Variants in SOX6 observed in about 807,000 individuals in gnomAD.
The protein encoded by SOX6 is transcription factor SOX-6.
Under a neutral mutation model 97.8 loss-of-function variants are expected in SOX6, and 11 were observed. The observed-to-expected ratio is 0.11, with a 90% CI of 0.07 to 0.19. SOX6 has a LOEUF of 0.19. Ranked by LOEUF, SOX6 falls within the 10% of genes least tolerant of loss-of-function variation. The pLI is 1.00. For synonymous variants in SOX6, 360 were observed against 371.4 expected, an observed-to-expected ratio of 0.97 and a Z score of 0.35; for missense variants, 810 against 1,039.5, an observed-to-expected ratio of 0.78 and a Z score of 3.04.
intron 9 of SOX6, among the ~76,000 whole-genome samples, chr11:16,064,705 C>T (rs1256008031): frequency 2.6e-5 from 4 of 151,536 alleles, no homozygotes; most frequent in South Asian, 4.1e-4. Context: ...GCAAGGATGG[C>T]GCAACATATA....
chr11:16,713,006 A>G (rs961875312), intron 3 of SOX6, among the ~76,000 whole-genome samples: 1 of 152,112 alleles, frequency 6.6e-6, no homozygotes, highest in African/African-American at 2.4e-5. Context: ...CATCTAGCCG[A>G]CCCTCTTCTT....
intron 4 of SOX6, chr11:16,484,277 A>T (rs541041256): frequency 7.7e-5 from 86 of 1,112,880 alleles, no homozygotes; most frequent in African/African-American, 2.9e-4. Context: ...GTCACTGGGA[A>T]CCACATTGCC....
At position 16,561,017 on chromosome 11, in the gene SOX6, G is replaced by T. The variant is rs922398543; in HGVS notation, n.609+51064C>A. Reference sequence around the variant, plus strand: ...ATAAAGGACTACACATTGGATACAGGGTATACTACTTGGGTGATGGGTGCA... The same window carrying T: ...ATAAAGGACTACACATTGGATACAGTGTATACTACTTGGGTGATGGGTGCA... On this transcript the variant is annotated intron_variant and non_coding_transcript_variant, in intron 4 of 5. Transcript: ENST00000524520. 2.0e-5 allele frequency among the ~76,000 whole-genome samples: 3 copies of T among 151,810 alleles called. No individual in the cohort carries two copies. In the South Asian group the frequency reaches 6.2e-4, roughly 32 times the overall value.
intron 4 of SOX6, among the ~76,000 whole-genome samples, chr11:16,599,390 A>G (rs1219480658): frequency 6.6e-6 from 1 of 152,192 alleles, no homozygotes; most frequent in East Asian, 1.9e-4. Context: ...ACAGCACAGG[A>G]CTACCAATTG....
intron 4 of SOX6, among the ~76,000 whole-genome samples, chr11:16,500,220 C>T (rs913607034): frequency 6.6e-6 from 1 of 152,042 alleles, no homozygotes; most frequent in Non-Finnish European, 1.5e-5. Context: ...CAAATGATTA[C>T]CTCAATAGAT....
intron 3 of SOX6, among the ~76,000 whole-genome samples, chr11:16,248,803 A>G (rs1165226724): frequency 1.3e-5 from 2 of 152,184 alleles, no homozygotes; most frequent in African/African-American, 2.4e-5. Flanking sequence ...CTTAGTGACT[A>G]ACACTTGGCT....
intron 3 of SOX6, among the ~76,000 whole-genome samples, chr11:16,278,838 T>C (rs1028227055): frequency 6.6e-6 from 1 of 151,822 alleles, no homozygotes; most frequent in Non-Finnish European, 1.5e-5. Context: ...GTAAAGAAAA[T>C]TCAGAGGGCT....
At chr11:16,283,547 A>G (rs1420542765) in intron 3 of SOX6, among the ~76,000 whole-genome samples, 1 of 151,812 alleles carries the variant, frequency 6.6e-6, no homozygotes, top group African/African-American at 2.4e-5. Context: ...AGAAACACAT[A>G]CATAAACACA....
intron 3 of SOX6, among the ~76,000 whole-genome samples, chr11:16,243,456 A>G (rs1853250582): frequency 6.6e-6 from 1 of 151,946 alleles, no homozygotes; most frequent in Admixed American, 6.6e-5. Flanking sequence ...TCCTTGATAT[A>G]CATAAAAAGA....
chr11:16,182,677 C>T (rs367823059), intron 6 of SOX6, among the ~76,000 whole-genome samples: 33 of 151,758 alleles, frequency 2.2e-4, no homozygotes, highest in African/African-American at 6.0e-4. Context: ...ATACTGAATA[C>T]GACAAAAACC....
At chr11:15,995,202 CAG>C (rs1467880387) in intron 13 of SOX6, among the ~76,000 whole-genome samples, 5 of 152,110 alleles carry the variant, frequency 3.3e-5, no homozygotes, top group Non-Finnish European at 5.9e-5. Flanking sequence ...GCAAGAGAAA[CAG>C]AATTTGAATT....
chr11:16,410,826 GA>G (rs1473143728), intron 1 of SOX6, among the ~76,000 whole-genome samples: 2 of 148,044 alleles, frequency 1.4e-5, no homozygotes, highest in Non-Finnish European at 3.0e-5. Context: ...AGGTAAAAAT[GA>G]AAACAGATGA....
chr11:16,409,817 C>T (rs553511688), intron 1 of SOX6, among the ~76,000 whole-genome samples: 2 of 72,062 alleles, frequency 2.8e-5, no homozygotes, highest in African/African-American at 1.1e-4. Context: ...GAAACAATGT[C>T]TTTCCTCGGT....
intron 6 of SOX6, among the ~76,000 whole-genome samples, chr11:16,178,836 A>G (rs867115191): frequency 6.6e-6 from 1 of 151,898 alleles, no homozygotes; most frequent in African/African-American, 2.4e-5. Context: ...ACAACCTAAG[A>G]CAGAGGGACT....
chr11:16,396,031 TC>T (rs1858343927), intron 1 of SOX6, among the ~76,000 whole-genome samples: 1 of 136,622 alleles, frequency 7.3e-6, no homozygotes, highest in Non-Finnish European at 1.6e-5. Flanking sequence ...TTTGAGAAAT[TC>T]AAGCACATAG....
At chr11:16,450,490 G>C (rs1278578012) in intron 1 of SOX6, among the ~76,000 whole-genome samples, 1 of 152,142 alleles carries the variant, frequency 6.6e-6, no homozygotes, top group Non-Finnish European at 1.5e-5. Flanking sequence ...AAGTGATTTG[G>C]ATGCTGCCTT....
chr11:16,014,499 T>G (rs1854823906), intron 13 of SOX6, among the ~76,000 whole-genome samples: 1 of 152,112 alleles, frequency 6.6e-6, no homozygotes, highest in East Asian at 1.9e-4. Flanking sequence ...CATTCCACAA[T>G]GTATACATGT....
intron 2 of SOX6, among the ~76,000 whole-genome samples, chr11:16,716,932 C>G (rs1413852763): frequency 6.6e-6 from 1 of 152,010 alleles, no homozygotes; most frequent in African/African-American, 2.4e-5. Flanking sequence ...AAGGAGTCAG[C>G]GGCACTGAAA....
intron 6 of SOX6, among the ~76,000 whole-genome samples, chr11:16,138,673 T>C (rs999479542): frequency 2.0e-5 from 3 of 152,028 alleles, no homozygotes; most frequent in African/African-American, 7.2e-5. Flanking sequence ...TAGCATTAGG[T>C]ATATCTCCTA....
Sources: gnomAD v4.1 joint callset for allele counts (sites outside exome capture counted in the v4.1 genomes callset) on GRCh38, gnomAD v4.1.1 for gene constraint, MANE v1.5 for transcripts, NCBI Gene and HGNC (gene_info 2026-07-23, HGNC 2026-07-21) for gene names.